Variants in ZDHHC14 observed in about 807,000 individuals in gnomAD.
ZDHHC14 encodes the protein palmitoyltransferase ZDHHC14.
In ZDHHC14, 16 loss-of-function variants were observed where a neutral mutation model predicts 47.7. The ratio of observed to expected loss-of-function variants is 0.34; its 90% CI spans 0.23 to 0.51. The LOEUF (loss-of-function observed/expected upper bound fraction) is 0.51. Among genes scored for constraint, ZDHHC14 ranks in the 20% least tolerant of loss-of-function variants. The probability of loss-of-function intolerance (pLI) is 0.97; values close to 1 mark genes in which losing one functional copy is unlikely to be tolerated. For synonymous variants in ZDHHC14, 293 were observed against 278.9 expected (o/e 1.05, Z -0.50); for missense variants, 515 against 662.5 (o/e 0.78, Z 2.44).
intron 1 of ZDHHC14, among the ~76,000 whole-genome samples, chr6:157,539,139 G>C (rs1287513872): frequency 6.6e-6 from 1 of 152,156 alleles, no homozygotes; most frequent in African/African-American, 2.4e-5. Context: ...GCTGGGTGTG[G>C]TGGCTTATTC....
chr6:157,640,734 T>A (rs1777209601), intron 5 of ZDHHC14, among the ~76,000 whole-genome samples: 1 of 152,228 alleles, frequency 6.6e-6, no homozygotes, highest in Non-Finnish European at 1.5e-5. Context: ...AGCATCAGAT[T>A]GTGTCTCATA....
At chr6:157,417,571 G>A (rs1442180089) in intron 1 of ZDHHC14, among the ~76,000 whole-genome samples, 1 of 152,188 alleles carries the variant, frequency 6.6e-6, no homozygotes, top group African/African-American at 2.4e-5. Context: ...TGGACATAGA[G>A]TTTGGCACAT....
rs528022573 is a variant in ZDHHC14 at position 157,552,714 on chromosome 6, C to A, written c.406+9969C>A. Among the ~76,000 whole-genome samples, 3 of 152,280 alleles carry A rather than the reference C, an allele frequency of 2.0e-5. No homozygotes were observed. The East Asian group carries it at 5.8e-4, about 29-fold the overall frequency. On this transcript the variant is annotated intron_variant, in intron 2 of 8. Coordinates refer to ENST00000359775, the MANE Select transcript of ZDHHC14 (RefSeq NM_024630.3). The stretch of plus-strand genomic sequence containing the variant: ...TGAGCCCAGGAGGGGACTTAGAGAG[C>A]AGAGGCTGCTGCCTCAGAAGCCAGG...
intron 1 of ZDHHC14, among the ~76,000 whole-genome samples, chr6:157,392,830 C>G (rs1268796189): frequency 6.6e-6 from 1 of 152,150 alleles, no homozygotes; most frequent in Non-Finnish European, 1.5e-5. Context: ...TGGAGGTAGA[C>G]TTGCTTTCAA....
intron 1 of ZDHHC14, among the ~76,000 whole-genome samples, chr6:157,477,631 T>TA (rs931560834): frequency 1.4e-4 from 21 of 152,132 alleles, no homozygotes; most frequent in East Asian, 1.3e-3. Flanking sequence ...CTCACCCTTA[T>TA]AAAAAAAACT....
intron 1 of ZDHHC14, among the ~76,000 whole-genome samples, chr6:157,538,696 G>T (rs869095): frequency 0.4 from 60,208 of 151,802 alleles, 12,088 homozygotes; most frequent in Admixed American, 0.45. Context: ...CACGGTGGGG[G>T]TTCAGAGAAA....
At chr6:157,488,777 A>ATCTT (rs2114724766) in intron 1 of ZDHHC14, among the ~76,000 whole-genome samples, 1 of 152,318 alleles carries the variant, frequency 6.6e-6, no homozygotes, top group East Asian at 1.9e-4. Flanking sequence ...TGTCTTTAAG[A>ATCTT]AGAGCATACA....
intron 2 of ZDHHC14, among the ~76,000 whole-genome samples, chr6:157,547,832 A>T (rs9355757): frequency 0.13 from 19,368 of 148,940 alleles, 1,440 homozygotes; most frequent in South Asian, 0.28. Flanking sequence ...ACTAAGAAAA[A>T]TTTTTTTTGT....
rs183313250 is a variant in ZDHHC14, at chr6:157,536,233, T to C, written c.246-6352T>C. On this transcript the variant is annotated intron_variant, in intron 1 of 8. Transcript: ENST00000359775. The stretch of plus-strand genomic sequence containing the variant: ...AAGGCCACTTCCTCTTCCTGTGTAA[T>C]AATAAATGTATGCCTCGTGGTTATG... 2.5e-3 allele frequency among the ~76,000 whole-genome samples: 379 copies of C among 152,352 alleles called. 1 individual carries two copies. The highest frequency in any genetic ancestry group is 6.8e-3 in the Middle Eastern group (2 of 294).
At chr6:157,406,133 G>A (rs1025300861) in intron 1 of ZDHHC14, among the ~76,000 whole-genome samples, 1 of 152,194 alleles carries the variant, frequency 6.6e-6, no homozygotes, top group Non-Finnish European at 1.5e-5. Flanking sequence ...GCTCCAGAGC[G>A]TGGATTAGCT....
chr6:157,476,406 A>G (rs1353741700), intron 1 of ZDHHC14, among the ~76,000 whole-genome samples: 8 of 152,222 alleles, frequency 5.3e-5, no homozygotes, highest in African/African-American at 1.9e-4. Flanking sequence ...ACATTGAATC[A>G]GTATTAAAAA....
chr6:157,430,630 G>A (rs999905596), intron 1 of ZDHHC14, among the ~76,000 whole-genome samples: 1 of 152,230 alleles, frequency 6.6e-6, no homozygotes, highest in African/African-American at 2.4e-5. Flanking sequence ...GGATAATGGA[G>A]GGTAATCTCC....
At chr6:157,615,339 G>A (rs773782719) in intron 3 of ZDHHC14, among the ~76,000 whole-genome samples, 4 of 152,156 alleles carry the variant, frequency 2.6e-5, no homozygotes, top group African/African-American at 7.2e-5. Flanking sequence ...TATTGATGTC[G>A]TACTTCGTCA....
chr6:157,457,547 A>G (rs1348754207), intron 1 of ZDHHC14, among the ~76,000 whole-genome samples: 1 of 152,236 alleles, frequency 6.6e-6, no homozygotes, highest in African/African-American at 2.4e-5. Context: ...AGATGTTACA[A>G]TATTCACTGG....
chr6:157,605,045 C>G (rs1784483471), intron 3 of ZDHHC14, among the ~76,000 whole-genome samples: 1 of 152,216 alleles, frequency 6.6e-6, no homozygotes, highest in Admixed American at 6.5e-5. Flanking sequence ...TGGCAATAAA[C>G]GTTTCACCAA....
chr6:157,526,240 C>T (rs1781147175), intron 1 of ZDHHC14, among the ~76,000 whole-genome samples: 1 of 152,242 alleles, frequency 6.6e-6, no homozygotes, highest in Admixed American at 6.5e-5. Context: ...CTCAAAACAA[C>T]ACTACAATAA....
At chr6:157,472,646 C>T (rs1301526971) in intron 1 of ZDHHC14, among the ~76,000 whole-genome samples, 3 of 152,138 alleles carry the variant, frequency 2.0e-5, no homozygotes, top group Non-Finnish European at 2.9e-5. Flanking sequence ...CCCTTTGCTA[C>T]AAGATGCTAC....
At chr6:157,638,374 C>T (rs1777084086) in intron 5 of ZDHHC14, among the ~76,000 whole-genome samples, 1 of 152,190 alleles carries the variant, frequency 6.6e-6, no homozygotes, top group African/African-American at 2.4e-5. Context: ...TTCTTTGTAT[C>T]AGAGAAGCAG....
At chr6:157,648,646 A>G (rs1025890000) in intron 7 of ZDHHC14, among the ~76,000 whole-genome samples, 5 of 152,222 alleles carry the variant, frequency 3.3e-5, no homozygotes, top group Non-Finnish European at 5.9e-5. Flanking sequence ...TAGAAAGGGC[A>G]GGCGAGGATC....
Sources: allele counts gnomAD v4.1 joint callset (sites outside exome capture counted in the v4.1 genomes callset), GRCh38; gene constraint gnomAD v4.1.1; transcripts MANE v1.5; gene names NCBI Gene and HGNC (gene_info 2026-07-23, HGNC 2026-07-21).